DPPA3: variants seen among roughly 807,000 people sequenced by gnomAD.
DPPA3 encodes the protein developmental pluripotency-associated protein 3.
In DPPA3, 9 loss-of-function variants were observed where a neutral mutation model predicts 15.6. The observed-to-expected ratio is 0.58, with a 90% CI of 0.35 to 1.01. DPPA3 has a LOEUF of 1.01. DPPA3 is among the 50% of genes least tolerant of loss of function. The pLI is 0.02. For missense variants in DPPA3, 148 were observed against 194.6 expected, an observed-to-expected ratio of 0.76 and a Z score of 1.42; for synonymous variants, 61 against 70.9, an observed-to-expected ratio of 0.86 and a Z score of 0.70.
At chr12:7,715,037 C>CTAGA (rs1477742052) in intron 1 of DPPA3, 146 bp from the exon 2 acceptor site, 2 of 1,250,986 alleles carry the variant, frequency 1.6e-6, no homozygotes, top group African/African-American at 3.0e-5. Context: ...TGAGAAAAGA[C>CTAGA]TAGAGGTTGT....
chr12:7,717,017 A>G lies in DPPA3; in HGVS notation c.420A>G (p.Gly140=), dbSNP rs1864408276. The change falls in exon 4 of 4, where the codon GGA becomes GGG. Residue 140 remains glycine (G), a synonymous_variant. Transcript: ENST00000345088. Reference sequence around the variant, plus strand: ...CCTGCAGTTTCTGCGTGTCTAATGGATGGGATCCTTCTGAGAATGCTAGAA... The same window carrying G: ...CCTGCAGTTTCTGCGTGTCTAATGGGTGGGATCCTTCTGAGAATGCTAGAA... ...KCPCSFCVSN[G]WDPSENARIG... 2 of 1,613,888 alleles carry G rather than the reference A, an allele frequency of 1.2e-6. No individual in the cohort carries two copies. Among genetic ancestry groups the G allele is most frequent in the Non-Finnish European group, 1.7e-6 (2 of 1,179,966 alleles).
At chr12:7,716,733 A>C (rs1471833140) in intron 3 of DPPA3, among the ~76,000 whole-genome samples, 1 of 152,198 alleles carries the variant, frequency 6.6e-6, no homozygotes, top group Non-Finnish European at 1.5e-5. Flanking sequence ...AGAATGTTTT[A>C]TTGACAGTCT....
chr12:7,716,072 C>T, intron 2 of DPPA3, 126 bp from the exon 3 acceptor site: 1 of 822,212 alleles, frequency 1.2e-6, no homozygotes. Flanking sequence ...CACTGCAATC[C>T]AGCCTGGGCA....
chr12:7,713,218 C>T (rs1371799745), intron 1 of DPPA3, among the ~76,000 whole-genome samples: 1 of 152,226 alleles, frequency 6.6e-6, no homozygotes. Context: ...CCTTCGACTG[C>T]CCGATGCTGG....
intron 1 of DPPA3, 75 bp downstream of exon 1, chr12:7,711,727 T>C: frequency 2.1e-6 from 1 of 466,228 alleles, no homozygotes; most frequent in South Asian, 4.2e-5. Flanking sequence ...CGTCTTTTTT[T>C]TTTTTTTTTT....
chr12:7,715,990 G>T (rs1864395197), intron 2 of DPPA3, among the ~76,000 whole-genome samples: 1 of 151,860 alleles, frequency 6.6e-6, no homozygotes, highest in Non-Finnish European at 1.5e-5. Flanking sequence ...CTGTGGGGTG[G>T]GTGGCTGAGG....
chr12:7,716,249 AT>A lies in DPPA3; in HGVS notation c.369+17del. ...GCCTAAGGGAGTTAAGGTAAGTATA[AT>A]TTTTTTCTTTTTATTTTCCTTTTTT... On this transcript the variant is annotated intron_variant, in intron 3 of 3. Coordinates refer to ENST00000345088, the MANE Select transcript of DPPA3 (RefSeq NM_199286.4). 6.4e-7 allele frequency: 1 copy of A among 1,551,858 alleles called. No homozygotes were observed. Among genetic ancestry groups the A allele is most frequent in the Non-Finnish European group, 8.7e-7 (1 of 1,155,602 alleles).
At chr12:7,714,557 A>G (rs1864377419) in intron 1 of DPPA3, among the ~76,000 whole-genome samples, 1 of 151,464 alleles carries the variant, frequency 6.6e-6, no homozygotes, top group African/African-American at 2.4e-5. Context: ...CTTGTTGCCC[A>G]GGCTGGAGTG....
In DPPA3 at chr12:7,717,516, TTATA is replaced by T. The variant is rs992981043; in HGVS notation, c.*442_*445del. On this transcript the variant is annotated 3_prime_UTR_variant, in exon 4 of 4. Transcript: ENST00000345088. ...TTTACAGTTTTCAGTACAAAAGTGT[TTATA>T]TAGAAACAATAAAGTTGACATTTGA... 1 of 153,990 alleles carries T rather than the reference TTATA, an allele frequency of 6.5e-6. No homozygotes were observed. Among genetic ancestry groups the T allele is most frequent in the Non-Finnish European group, 1.4e-5 (1 of 69,412 alleles). The allele number at this position is 153,990 out of a possible 1,614,324, so 9.5% of individuals were successfully genotyped here. A position where few individuals can be genotyped will look rare whatever the true frequency, so the allele number is the denominator to read the frequency against.
intron 3 of DPPA3, 139 bp downstream of exon 3, chr12:7,716,378 A>G (rs1223516658): frequency 4.6e-6 from 3 of 647,154 alleles, no homozygotes; most frequent in Non-Finnish European, 8.0e-6. Context: ...GGGACTCTGG[A>G]TAAGTCAGTT....
At chr12:7,711,694 G>GGGTT in intron 1 of DPPA3, 42 bp downstream of exon 1, 1 of 1,475,072 alleles carries the variant, frequency 6.8e-7, no homozygotes, top group Non-Finnish European at 9.2e-7. Context: ...GACTATAGGG[G>GGGTT]GGTTGGGAGG....
intron 1 of DPPA3, among the ~76,000 whole-genome samples, chr12:7,713,220 C>T (rs1043209320): frequency 1.3e-5 from 2 of 152,204 alleles, no homozygotes; most frequent in South Asian, 2.1e-4. Context: ...TTCGACTGCC[C>T]GATGCTGGGA....
chr12:7,712,277 C>T (rs1592080473), intron 1 of DPPA3, among the ~76,000 whole-genome samples: 1 of 151,272 alleles, frequency 6.6e-6, no homozygotes, highest in East Asian at 2.0e-4. Context: ...GAACGCGGCT[C>T]GTAGCGTCGT....
chr12:7,711,450 T>A lies in DPPA3; in HGVS notation c.-121T>A. On this transcript the variant is annotated 5_prime_UTR_variant, in exon 1 of 4. Coordinates refer to ENST00000345088, the MANE Select transcript of DPPA3 (RefSeq NM_199286.4). ...TAGTTTACGTCAGTTCTTTGACCAT[T>A]CGTTGGAGCTCCGGTTTTCAGCCTC... The A allele has an allele frequency of 2.6e-6, 2 of 768,638 alleles. No individual in the cohort carries two copies. Among genetic ancestry groups the A allele is most frequent in the Non-Finnish European group, 4.1e-6 (2 of 488,580 alleles). The allele number at this position is 768,638 out of a possible 1,614,324, so 47.6% of individuals were successfully genotyped here.
intron 1 of DPPA3, among the ~76,000 whole-genome samples, chr12:7,714,412 G>GA (rs145344059): frequency 0.11 from 16,733 of 152,136 alleles, 1,301 homozygotes; most frequent in South Asian, 0.33. Flanking sequence ...TGATTGGTTG[G>GA]AAAAAATTCT....
At chr12:7,715,794 G>T (rs1015276992) in intron 2 of DPPA3, among the ~76,000 whole-genome samples, 5 of 151,506 alleles carry the variant, frequency 3.3e-5, no homozygotes, top group African/African-American at 9.7e-5. Context: ...CAAAACAAGC[G>T]TCTCAAAAAA....
intron 3 of DPPA3, 121 bp from the exon 4 acceptor site, chr12:7,716,846 C>T: frequency 1.1e-6 from 1 of 936,812 alleles, no homozygotes; most frequent in Non-Finnish European, 1.7e-6. Context: ...CCCGTGTGTC[C>T]TTTTTTGTGT....
intron 1 of DPPA3, among the ~76,000 whole-genome samples, chr12:7,712,571 C>T (rs1412440241): frequency 6.6e-6 from 1 of 152,102 alleles, no homozygotes; most frequent in Admixed American, 6.6e-5. Context: ...TCTCAGCCTC[C>T]AAAGTAGCTG....
intron 1 of DPPA3, 75 bp from the exon 2 acceptor site, chr12:7,715,108 C>G: frequency 6.2e-7 from 1 of 1,601,588 alleles, no homozygotes; most frequent in South Asian, 1.1e-5. Context: ...TGTTCCCCTG[C>G]TTAAGGGCAG....
Sources: allele counts gnomAD v4.1 joint callset (sites outside exome capture counted in the v4.1 genomes callset), GRCh38; gene constraint gnomAD v4.1.1; transcripts MANE v1.5; gene names NCBI Gene and HGNC (gene_info 2026-07-23, HGNC 2026-07-21).